Variants in FAHD1 observed in about 807,000 individuals in gnomAD.
FAHD1 encodes FAH domain containing oxaloacetate decarboxylase 1.
FAHD1 carries 14 observed loss-of-function variants against 12.7 expected under a neutral mutation model. The observed-to-expected ratio is 1.10, with a 90% CI of 0.73 to 1.72. The LOEUF (loss-of-function observed/expected upper bound fraction) is 1.72. Ranked by LOEUF, FAHD1 falls within the 40% of genes most tolerant of loss-of-function variation. The pLI is 0.00. For synonymous variants in FAHD1, 153 were observed against 124.9 expected, an observed-to-expected ratio of 1.22 and a Z score of -1.50; for missense variants, 351 against 298.9, an observed-to-expected ratio of 1.17 and a Z score of -1.29.
intron 1 of FAHD1, among the ~76,000 whole-genome samples, chr16:1,836,594 T>C (rs912628448): frequency 6.7e-6 from 1 of 148,844 alleles, no homozygotes; most frequent in Non-Finnish European, 1.5e-5. Flanking sequence ...CAAGCCGAGG[T>C]CCTAGAAATA....
At chr16:1,831,675 C>G (rs535982241), downstream of FAHD1, among the ~76,000 whole-genome samples, 1 of 152,276 alleles carries the variant, frequency 6.6e-6, no homozygotes, top group African/African-American at 2.4e-5. Context: ...AGGCCACTGA[C>G]TGCTACCAGC....
chr16:1,828,401 CAAGT>C lies in FAHD1; in HGVS notation c.*500_*503del, dbSNP rs1048093299. 1.6e-5 allele frequency: 16 copies of C among 1,001,272 alleles called. No homozygotes were observed. The African/African-American group carries it at 2.8e-4, about 18-fold the overall frequency. 62.0% of individuals were successfully genotyped at this position (1,001,272 alleles called of 1,614,324 possible). On this transcript the variant is annotated 3_prime_UTR_variant, in exon 1 of 1. Coordinates refer to ENST00000427358, the Ensembl canonical transcript of FAHD1. ...CGGGTGGGCCAGAAATGAAAACAGG[CAAGT>C]AAAGTATTTCTTCGGAAAACATTTT... is the stretch of plus-strand genomic sequence containing the variant.
exon 1 of FAHD1, chr16:1,828,718 C>G (rs1304157341): frequency 5.3e-6 from 5 of 946,928 alleles, no homozygotes; most frequent in Non-Finnish European, 6.4e-6. Flanking sequence ...ACAGGGCATT[C>G]CAAGTGATTC....
chr16:1,827,693 A>G, exon 1 of FAHD1: 2 of 1,614,134 alleles, frequency 1.2e-6, no homozygotes, highest in South Asian at 2.2e-5. Context: ...GTCAACGGCG[A>G]ACTCAGACAG....
At position 1,839,296 on chromosome 16, in the gene FAHD1, T is replaced by G; in HGVS notation, c.*43T>G. 3 of 1,614,042 alleles carry G rather than the reference T, an allele frequency of 1.9e-6. No homozygotes were observed. The South Asian group carries it at 3.3e-5, about 18-fold the overall frequency. On this transcript the variant is annotated 3_prime_UTR_variant, in exon 3 of 3. Coordinates refer to the FAHD1 transcript ENST00000382666. ...TCCTCAGCAACACTTCCTGTGAGAC[T>G]ACAGGAATGAAGGGTGCCTGTGTGA... is the stretch of plus-strand genomic sequence containing the variant.
At chr16:1,838,148 T>C in intron 2 of FAHD1, 1 of 528,362 alleles carries the variant, frequency 1.9e-6, no homozygotes, top group Non-Finnish European at 3.4e-6. Context: ...TGCACTACTC[T>C]TCTCTGGCTA....
chr16:1,836,916 G>A lies in FAHD1; in HGVS notation c.628-1100G>A, dbSNP rs139643317. Among the ~76,000 whole-genome samples, 493 of 152,208 alleles carry A rather than the reference G, an allele frequency of 3.2e-3. 3 individuals are homozygous for A. The highest frequency in any genetic ancestry group is 0.011 in the African/African-American group (462 of 41,522). On this transcript the variant is annotated intron_variant, in intron 1 of 2. Coordinates refer to the FAHD1 transcript ENST00000382666. ...TATCAGTAGATATAACCACACAAACGGGAGCACATTAACTTGCGGGAGAAT... is the reference window on the plus strand; with the variant it reads ...TATCAGTAGATATAACCACACAAACAGGAGCACATTAACTTGCGGGAGAAT...
rs1268306230 is a variant in FAHD1, at chr16:1,828,911, G to A, written c.*1007G>A. The A allele has an allele frequency of 2.0e-6, 2 of 1,000,028 alleles. No homozygotes were observed. The highest frequency in any genetic ancestry group is 4.7e-5 in the South Asian group (1 of 21,286). The allele number at this position is 1,000,028 out of a possible 1,614,324, so 61.9% of individuals were successfully genotyped here. A position where few individuals can be genotyped will look rare whatever the true frequency, so the allele number is the denominator to read the frequency against. ...TCCAAATAAAGGTGCTCCCTTCTAA[G>A]TGGCTTACAAGGGTAATTTTTTTCC... On this transcript the variant is annotated 3_prime_UTR_variant, in exon 1 of 1. Transcript: ENST00000427358.
At chr16:1,830,151 C>T (rs571539466), downstream of FAHD1, among the ~76,000 whole-genome samples, 13 of 152,254 alleles carry the variant, frequency 8.5e-5, no homozygotes, top group Non-Finnish European at 1.6e-4. Flanking sequence ...GCATGAGCCA[C>T]CGTGCCCAGC....
chr16:1,828,348 G>T (rs1898554557), exon 1 of FAHD1: 1 of 1,000,738 alleles, frequency 1.0e-6, no homozygotes, highest in Non-Finnish European at 1.2e-6. Context: ...CATAGAAGAT[G>T]AACCCTTCAA....
downstream of FAHD1, among the ~76,000 whole-genome samples, chr16:1,831,874 A>T (rs1342228430): frequency 6.6e-6 from 1 of 152,072 alleles, no homozygotes; most frequent in Non-Finnish European, 1.5e-5. Context: ...TCTGAGGTGG[A>T]ACTGTTTCAT....
chr16:1,831,080 G>C (rs1468827026), downstream of FAHD1, among the ~76,000 whole-genome samples: 6 of 152,130 alleles, frequency 3.9e-5, no homozygotes, highest in African/African-American at 1.4e-4. Context: ...ATTCCACAGT[G>C]TATTAGTCTG....
At chr16:1,834,922 C>T (rs919046568) in intron 1 of FAHD1, among the ~76,000 whole-genome samples, 4 of 147,284 alleles carry the variant, frequency 2.7e-5, no homozygotes, top group African/African-American at 1.0e-4. Context: ...GCAACTAGAG[C>T]GAAACTCTGT....
At position 1,827,705 on chromosome 16, in the gene FAHD1, A is replaced by C. The variant is rs577168355; in HGVS notation, c.467A>C (p.Glu156Ala). ...AAGGTCAACGGCGAACTCAGACAGG[A>C]GGGTGAGACATCCTCCATGATTTTT... Residue 156 changes from glutamate to alanine, a missense_variant, in exon 1 of 1, where the codon GAG (glutamate) becomes GCG (alanine). Transcript: ENST00000427358. The C allele has an allele frequency of 1.9e-6, 3 of 1,614,138 alleles. No homozygotes were observed. The Admixed American group carries it at 5.0e-5, about 27-fold the overall frequency.
intron 2 of FAHD1, among the ~76,000 whole-genome samples, chr16:1,838,307 C>T (rs62038406): frequency 0.18 from 27,053 of 152,036 alleles, 2,570 homozygotes; most frequent in South Asian, 0.27. Flanking sequence ...GCCAACTCAA[C>T]TGTTTTGATA....
intron 2 of FAHD1, among the ~76,000 whole-genome samples, chr16:1,838,297 G>C (rs1898803366): frequency 6.6e-6 from 1 of 152,122 alleles, no homozygotes; most frequent in Admixed American, 6.6e-5. Context: ...ACTATGCCCA[G>C]CCAACTCAAC....
At chr16:1,838,536 A>G (rs1898809993) in intron 2 of FAHD1, among the ~76,000 whole-genome samples, 1 of 152,196 alleles carries the variant, frequency 6.6e-6, no homozygotes, top group Non-Finnish European at 1.5e-5. Flanking sequence ...CTGCAAATCA[A>G]GGAGAAAACG....
At chr16:1,838,396 A>G (rs1898807055) in intron 2 of FAHD1, among the ~76,000 whole-genome samples, 1 of 152,174 alleles carries the variant, frequency 6.6e-6, no homozygotes. Context: ...AAATCCCCTC[A>G]ATAAAGTGGA....
At chr16:1,827,755 G>A (rs766755458) in exon 1 of FAHD1, 1 of 1,614,008 alleles carries the variant, frequency 6.2e-7, no homozygotes, top group African/African-American at 1.3e-5. Context: ...CATCAGCTAT[G>A]TTTCTAAGAT....
Sources: gnomAD v4.1 joint callset for allele counts (sites outside exome capture counted in the v4.1 genomes callset) on GRCh38, gnomAD v4.1.1 for gene constraint, MANE v1.5 for transcripts, NCBI Gene and HGNC (gene_info 2026-07-23, HGNC 2026-07-21) for gene names.